The following SLC2A10 variants were observed in gnomAD, a reference collection of about 807,000 sequenced individuals.
SLC2A10 encodes the protein solute carrier family 2, facilitated glucose transporter member 10.
SLC2A10 carries 25 observed loss-of-function variants against 32.1 expected under a neutral mutation model. The ratio of observed to expected loss-of-function variants is 0.78; its 90% CI spans 0.57 to 1.09. The LOEUF (loss-of-function observed/expected upper bound fraction) is 1.09. Ranked by LOEUF, SLC2A10 falls within the 50% of genes least tolerant of loss-of-function variation. The pLI, the probability that SLC2A10 is intolerant of heterozygous loss-of-function variation, is 0.00. For missense variants in SLC2A10, 673 were observed against 686.5 expected (o/e 0.98, Z 0.22); for synonymous variants, 332 against 309.6 (o/e 1.07, Z -0.76).
In SLC2A10 at chr20:46,729,422, A is replaced by G. The variant is rs374854180; in HGVS notation, c.1481A>G (p.Tyr494Cys). The G allele has an allele frequency of 3.6e-5, 58 of 1,613,610 alleles. No individual in the cohort carries two copies. The African/African-American group carries it at 6.6e-4, about 18-fold the overall frequency. ...LTAVLGLGFIYLFVPETKGQS... is the reference protein window; with the variant it reads ...LTAVLGLGFICLFVPETKGQS... ...GCTGTCCTCGGCCTGGGCTTCATCT[A>G]TTTATTTGTTCCTGAAACAAAAGGC... The change falls in exon 4 of 5, where the codon TAT becomes TGT. Residue 494 changes from tyrosine (Y) to cysteine (C), a missense_variant. By Grantham distance (194) the Tyr-to-Cys change is radical. Coordinates refer to ENST00000359271, the MANE Select transcript of SLC2A10 (RefSeq NM_030777.4).
At position 46,725,921 on chromosome 20, in the gene SLC2A10, C is replaced by A. The variant is rs1460249734; in HGVS notation, c.885C>A (p.Gly295=). 1 of 1,613,932 alleles carries A rather than the reference C, an allele frequency of 6.2e-7. No homozygotes were observed. The highest frequency in any genetic ancestry group is 8.5e-7 in the Non-Finnish European group (1 of 1,180,036). Reference sequence around the variant, plus strand: ...CCATGGGGCTGGTGGACCGTGCAGGCCGCAGGGCTCTGTTGCTAGCTGGCT... The same window carrying A: ...CCATGGGGCTGGTGGACCGTGCAGGACGCAGGGCTCTGTTGCTAGCTGGCT... ...LTAMGLVDRA[G]RRALLLAGCA... is the part of the protein sequence containing the mutation. The change falls in exon 2 of 5, where the codon GGC becomes GGA. Residue 295 remains glycine, a synonymous_variant. Coordinates refer to ENST00000359271, the MANE Select transcript of SLC2A10 (RefSeq NM_030777.4).
Position 46,717,313 on chromosome 20 carries a change from C to T in SLC2A10, c.4+7573C>T, listed in dbSNP as rs577236148. ...TCCTGATAGCACAGTAAATAGAAGA[C>T]AAAAAGATAAATGGCAGAAGCAATT... On this transcript the variant is annotated intron_variant, in intron 1 of 4. Coordinates refer to ENST00000359271, the MANE Select transcript of SLC2A10 (RefSeq NM_030777.4). Among the ~76,000 whole-genome samples the T allele has an allele frequency of 3.3e-5, 5 of 152,244 alleles. No individual in the cohort carries two copies. The East Asian group carries it at 9.6e-4, about 29-fold the overall frequency.
intron 4 of SLC2A10, among the ~76,000 whole-genome samples, chr20:46,731,742 T>C (rs1980310657): frequency 6.6e-6 from 1 of 152,162 alleles, no homozygotes; most frequent in African/African-American, 2.4e-5. Context: ...CAGGGGGCTC[T>C]TGATATCAGA....
chr20:46,719,825 C>A (rs1421083821), intron 1 of SLC2A10, among the ~76,000 whole-genome samples: 1 of 152,208 alleles, frequency 6.6e-6, no homozygotes, highest in Non-Finnish European at 1.5e-5. Context: ...TCCTGAGCCT[C>A]CTTTCTCTAC....
rs1978789809 is a variant in SLC2A10, at chr20:46,709,707, C to A, written c.-30C>A. On this transcript the variant is annotated 5_prime_UTR_variant, in exon 1 of 5. Transcript: ENST00000359271. ...GGGATGCGCGCCCGGCCCCTCAGCG[C>A]CCCCAGCACGCCGCCGAGTCCCGCT... is the stretch of plus-strand genomic sequence containing the variant. 2 of 1,540,662 alleles carry A rather than the reference C, an allele frequency of 1.3e-6. No individual in the cohort carries two copies. The highest frequency in any genetic ancestry group is 1.2e-5 in the South Asian group (1 of 83,190).
At chr20:46,718,568 G>T (rs1394694961) in intron 1 of SLC2A10, among the ~76,000 whole-genome samples, 2 of 151,984 alleles carry the variant, frequency 1.3e-5, no homozygotes, top group Non-Finnish European at 2.9e-5. Flanking sequence ...ATTTTCACTT[G>T]ATTATCTCTT....
chr20:46,733,689 G>T, intron 4 of SLC2A10, 67 bp from the exon 5 acceptor site: 1 of 1,269,564 alleles, frequency 7.9e-7, no homozygotes. Context: ...CCCAGTGGAA[G>T]GTCCACTCCC....
rs750625663 is a variant in SLC2A10 at position 46,729,367 on chromosome 20, T to C, written c.1426T>C (p.Ser476Pro). The change falls in exon 4 of 5, where the codon TCC becomes CCC. Residue 476 changes from serine (S) to proline (P), a missense_variant. Physicochemically the swap from Ser to Pro is moderately conservative, Grantham distance 74. Coordinates refer to ENST00000359271, the MANE Select transcript of SLC2A10 (RefSeq NM_030777.4). ...CCTGTTTCCAGGCACCATCGGCTTG[T>C]CCTGGACCTTCCTGCTCTACGGACT... ...FLDLIGTIGL[S>P]WTFLLYGLTA... 12 of 1,613,676 alleles carry C rather than the reference T, an allele frequency of 7.4e-6. No homozygotes were observed. Among genetic ancestry groups the C allele is most frequent in the Non-Finnish European group, 1.0e-5 (12 of 1,179,982 alleles).
Position 46,726,140 on chromosome 20 carries a change from G to A in SLC2A10, c.1104G>A (p.Leu368=). 1.2e-6 allele frequency: 2 copies of A among 1,614,246 alleles called. No individual in the cohort carries two copies. Among genetic ancestry groups the A allele is most frequent in the Non-Finnish European group, 1.7e-6 (2 of 1,180,036 alleles). Residue 368 remains leucine, a synonymous_variant, in exon 2 of 5, where the codon TTG becomes TTA. Coordinates refer to ENST00000359271, the MANE Select transcript of SLC2A10 (RefSeq NM_030777.4). ...ATGAGGACCAAAGGGAGCCAATCTT[G>A]TCCACTGCTAAGAAAACCAAGCCCC... The part of the protein sequence containing the change: ...RTNEDQREPI[L]STAKKTKPHP...
At chr20:46,733,520 A>G (rs1980405079) in intron 4 of SLC2A10, among the ~76,000 whole-genome samples, 1 of 152,168 alleles carries the variant, frequency 6.6e-6, no homozygotes, top group African/African-American at 2.4e-5. Context: ...GTCATTGTAG[A>G]TGCAATGGTG....
chr20:46,715,587 G>A (rs915516181), intron 1 of SLC2A10, among the ~76,000 whole-genome samples: 4 of 152,180 alleles, frequency 2.6e-5, no homozygotes, highest in Non-Finnish European at 4.4e-5. Context: ...GCAAGGGCTC[G>A]TTTCCTTGGA....
At chr20:46,723,192 A>C (rs1291625649) in intron 1 of SLC2A10, among the ~76,000 whole-genome samples, 1 of 152,048 alleles carries the variant, frequency 6.6e-6, no homozygotes, top group Non-Finnish European at 1.5e-5. Context: ...TTGCATCCTC[A>C]TGGTTACCCC....
intron 1 of SLC2A10, among the ~76,000 whole-genome samples, chr20:46,713,878 G>A (rs1979072572): frequency 6.6e-6 from 1 of 152,108 alleles, no homozygotes; most frequent in Admixed American, 6.5e-5. Context: ...AGTTGAATAT[G>A]GAAGACTCAT....
In SLC2A10 at chr20:46,725,309, C is replaced by T; in HGVS notation, c.273C>T (p.Thr91=). ...TGGTGCTGCTGGCAGGCAGCCTGAC[C>T]CTGGGCCTGGCTGGTTCCCTGGCCT... ...SNLVLLAGSL[T]LGLAGSLAWL... Residue 91 remains threonine, a synonymous_variant, in exon 2 of 5, where the codon ACC becomes ACT. Coordinates refer to ENST00000359271, the MANE Select transcript of SLC2A10 (RefSeq NM_030777.4). 6.2e-7 allele frequency: 1 copy of T among 1,614,110 alleles called. No individual in the cohort carries two copies. The highest frequency in any genetic ancestry group is 1.1e-5 in the South Asian group (1 of 91,080).
chr20:46,726,112 C>T lies in SLC2A10; in HGVS notation c.1076C>T (p.Thr359Ile). Reference sequence around the variant, plus strand: ...TCCTCTCTACCTCCCATTCCAAGGACCAATGAGGACCAAAGGGAGCCAATC... The same window carrying T: ...TCCTCTCTACCTCCCATTCCAAGGATCAATGAGGACCAAAGGGAGCCAATC... ...QDSSLPPIPR[T>I]NEDQREPILS... The change falls in exon 2 of 5, where the codon ACC becomes ATC. Residue 359 changes from threonine (T) to isoleucine (I), a missense_variant. Thr to Ile is a moderately conservative substitution (Grantham distance 89, BLOSUM62 -1). Coordinates refer to ENST00000359271, the MANE Select transcript of SLC2A10 (RefSeq NM_030777.4). 1 of 1,614,270 alleles carries T rather than the reference C, an allele frequency of 6.2e-7. No individual in the cohort carries two copies. Among genetic ancestry groups the T allele is most frequent in the Non-Finnish European group, 8.5e-7 (1 of 1,180,052 alleles).
chr20:46,730,091 C>T (rs774257896), intron 4 of SLC2A10, among the ~76,000 whole-genome samples: 4 of 152,140 alleles, frequency 2.6e-5, no homozygotes, highest in Non-Finnish European at 5.9e-5. Flanking sequence ...AATCTTAAAA[C>T]CATAAACTAT....
At chr20:46,708,825 C>A (rs1227331514), upstream of SLC2A10, among the ~76,000 whole-genome samples, 1 of 152,196 alleles carries the variant, frequency 6.6e-6, no homozygotes, top group Non-Finnish European at 1.5e-5. Context: ...GACACTCTGG[C>A]TTCATTTCTG....
At chr20:46,718,969 G>A (rs760872) in intron 1 of SLC2A10, among the ~76,000 whole-genome samples, 67,154 of 151,948 alleles carry the variant, frequency 0.44, 15,292 homozygotes, top group East Asian at 0.69. Flanking sequence ...TTCTGTAGAG[G>A]TGGTGTCTCA....
rs774640500 is a variant in SLC2A10, at chr20:46,726,885, A to T, written c.1310A>T (p.Glu437Val). The T allele has an allele frequency of 1.9e-6, 3 of 1,614,110 alleles. No individual in the cohort carries two copies. Among genetic ancestry groups the T allele is most frequent in the Non-Finnish European group, 2.5e-6 (3 of 1,180,012 alleles). ...CTAGTGACCTGGCTTGTCCTCAGCG[A>T]GATCTACCCTGTGGAGATACGAGGA... ...FGPVTWLVLS[E>V]IYPVEIRGRA... Residue 437 changes from glutamate to valine, a missense_variant, in exon 3 of 5, where the codon GAG becomes GTG. Glu to Val is a moderately radical substitution (Grantham distance 121). Transcript: ENST00000359271.
Sources: allele counts gnomAD v4.1 joint callset (sites outside exome capture counted in the v4.1 genomes callset), GRCh38; gene constraint gnomAD v4.1.1; transcripts MANE v1.5; gene names NCBI Gene and HGNC (gene_info 2026-07-23, HGNC 2026-07-21).